Variants in MDFIC observed in about 807,000 individuals in gnomAD.
MDFIC encodes MyoD family inhibitor domain containing, also known as myoD family inhibitor domain-containing protein.
In MDFIC, 17 loss-of-function variants were observed where a neutral mutation model predicts 23.2. The ratio of observed to expected loss-of-function variants is 0.73; its 90% CI spans 0.50 to 1.10. The LOEUF (loss-of-function observed/expected upper bound fraction) is 1.10, where lower values mean the gene tolerates loss of function less well. Ranked by LOEUF, MDFIC falls within the 50% of genes least tolerant of loss-of-function variation. The pLI is 0.00. For missense variants in MDFIC, 356 were observed against 316.6 expected, an observed-to-expected ratio of 1.12 and a Z score of -0.95; for synonymous variants, 120 against 115.2, an observed-to-expected ratio of 1.04 and a Z score of -0.27.
chr7:114,991,853 G>T (rs1171077821), intron 4 of MDFIC, among the ~76,000 whole-genome samples: 1 of 152,176 alleles, frequency 6.6e-6, no homozygotes, highest in Non-Finnish European at 1.5e-5. Flanking sequence ...GGTTCCATAT[G>T]AACTTTAAAG....
chr7:114,969,656 A>T (rs1461694782), intron 3 of MDFIC, among the ~76,000 whole-genome samples: 1 of 152,226 alleles, frequency 6.6e-6, no homozygotes, highest in Non-Finnish European at 1.5e-5. Flanking sequence ...TGGATAGACC[A>T]AGAGCAGTTA....
At chr7:114,994,719 G>C (rs1791284629) in intron 4 of MDFIC, among the ~76,000 whole-genome samples, 1 of 152,208 alleles carries the variant, frequency 6.6e-6, no homozygotes, top group African/African-American at 2.4e-5. Context: ...GGAGAGATCA[G>C]CTGTTAGTCT....
intron 4 of MDFIC, among the ~76,000 whole-genome samples, chr7:115,012,776 G>A (rs746642797): frequency 3.9e-5 from 6 of 152,126 alleles, no homozygotes; most frequent in East Asian, 3.9e-4. Context: ...TCAGGAGTCC[G>A]AGACCAGCTT....
chr7:114,929,063 A>C (rs1250994247), intron 2 of MDFIC, among the ~76,000 whole-genome samples: 3 of 24,382 alleles, frequency 1.2e-4, no homozygotes, highest in African/African-American at 3.5e-4. Context: ...AAATATAGAT[A>C]TAGATCTATA....
chr7:115,000,736 T>A (rs1562826813), intron 4 of MDFIC, among the ~76,000 whole-genome samples: 1 of 152,232 alleles, frequency 6.6e-6, no homozygotes, highest in Non-Finnish European at 1.5e-5. Flanking sequence ...ATGTTTGCAT[T>A]TTAATGTCAT....
chr7:114,926,635 A>G (rs1431740562), intron 2 of MDFIC, among the ~76,000 whole-genome samples: 2 of 152,184 alleles, frequency 1.3e-5, no homozygotes, highest in Non-Finnish European at 2.9e-5. Context: ...TGAGACTATT[A>G]GGCGGACTTT....
rs769484290 is a variant in MDFIC, at chr7:114,979,635, G to A, written c.347G>A (p.Gly116Glu). Residue 116 changes from glycine to glutamate, a missense_variant, in exon 4 of 5, where the codon GGA becomes GAA. Coordinates refer to ENST00000393486, the MANE Select transcript of MDFIC (RefSeq NM_001166345.3). Reference protein sequence around the residue: ...GNGIHHGAKHGSADNRKLSAP... With the variant: ...GNGIHHGAKHESADNRKLSAP... ...GGAATTCACCACGGGGCCAAACACG[G>A]ATCCGCAGATAATCGCAAACTTTCA... The A allele has an allele frequency of 1.2e-6, 2 of 1,613,986 alleles. No homozygotes were observed. The highest frequency in any genetic ancestry group is 1.7e-5 in the Admixed American group (1 of 60,008).
At chr7:114,942,468 C>T (rs1055874642) in intron 3 of MDFIC, 71 bp downstream of exon 3, 2 of 1,187,446 alleles carry the variant, frequency 1.7e-6, no homozygotes, top group Non-Finnish European at 2.3e-6. Flanking sequence ...TCGTTAATTG[C>T]CCCAGATAAT....
At chr7:114,945,720 T>G (rs970191995) in intron 3 of MDFIC, among the ~76,000 whole-genome samples, 16 of 152,170 alleles carry the variant, frequency 1.1e-4, no homozygotes, top group Admixed American at 6.5e-5. Context: ...AAAAGACAAT[T>G]CCAACCACTT....
chr7:114,991,974 G>T (rs1231159450), intron 4 of MDFIC, among the ~76,000 whole-genome samples: 2 of 152,080 alleles, frequency 1.3e-5, no homozygotes, highest in African/African-American at 4.8e-5. Context: ...GATTCTTCCT[G>T]TGCATGAGCA....
At chr7:114,979,803 A>G in intron 4 of MDFIC, 22 bp downstream of exon 4, 1 of 1,605,028 alleles carries the variant, frequency 6.2e-7, no homozygotes, top group South Asian at 1.1e-5. Context: ...ATATATGTAG[A>G]TTTTATTTGA....
intron 3 of MDFIC, among the ~76,000 whole-genome samples, chr7:114,949,180 C>T (rs973646273): frequency 1.5e-4 from 23 of 152,064 alleles, no homozygotes; most frequent in Middle Eastern, 3.4e-3. Context: ...AATCTATATC[C>T]TACTTCTTTT....
rs147390514 is a variant in MDFIC at position 114,951,869 on chromosome 7, C to A, written c.217+9472C>A. On this transcript the variant is annotated intron_variant, in intron 3 of 4. Coordinates refer to ENST00000393486, the MANE Select transcript of MDFIC (RefSeq NM_001166345.3). ...CAGGTTCTGTAGGAGATAGAACCAG[C>A]TACATGATTCAGAAAATGGAGGGCA... is the stretch of plus-strand genomic sequence containing the variant. 1.7e-4 allele frequency among the ~76,000 whole-genome samples: 26 copies of A among 152,214 alleles called. No homozygotes were observed. In the East Asian group the frequency reaches 4.2e-3, roughly 25 times the overall value.
At position 114,922,479 on chromosome 7, in the gene MDFIC, C is replaced by G; in HGVS notation, c.-265C>G. The stretch of plus-strand genomic sequence containing the variant: ...CCGCCACTGCGGCGTCTGGGCTGAG[C>G]CGGAGGGAGGCGGGAGGACGCGCAG... On this transcript the variant is annotated 5_prime_UTR_variant, in exon 1 of 5. Transcript: ENST00000393486. 8.0e-7 allele frequency: 1 copy of G among 1,252,964 alleles called. No individual in the cohort carries two copies. Among genetic ancestry groups the G allele is most frequent in the Non-Finnish European group, 1.0e-6 (1 of 992,684 alleles). 77.6% of individuals were successfully genotyped at this position (1,252,964 alleles called of 1,614,324 possible).
intron 4 of MDFIC, among the ~76,000 whole-genome samples, chr7:114,990,525 T>C (rs1793588734): frequency 6.6e-6 from 1 of 152,164 alleles, no homozygotes; most frequent in African/African-American, 2.4e-5. Flanking sequence ...CAGGCCCCAG[T>C]GTGTGATGTT....
At position 114,977,722 on chromosome 7, in the gene MDFIC, G is replaced by T. The variant is rs868250293; in HGVS notation, c.218-1784G>T. Among the ~76,000 whole-genome samples, 16 of 151,868 alleles carry T rather than the reference G, an allele frequency of 1.1e-4. No individual in the cohort carries two copies. The Middle Eastern group carries it at 0.01, about 98-fold the overall frequency. ...ATTCATTGTCTAAAAAATCATATTT[G>T]TTTGTGCTTATGCTATTAAAACAGT... On this transcript the variant is annotated intron_variant, in intron 3 of 4. Coordinates refer to ENST00000393486, the MANE Select transcript of MDFIC (RefSeq NM_001166345.3).
chr7:115,000,504 C>T (rs979805078), intron 4 of MDFIC, among the ~76,000 whole-genome samples: 11 of 152,164 alleles, frequency 7.2e-5, no homozygotes, highest in Non-Finnish European at 1.3e-4. Flanking sequence ...TCTTGTCCCT[C>T]GGAATCCAAG....
chr7:115,006,148 A>G (rs533313923), intron 4 of MDFIC, among the ~76,000 whole-genome samples: 2 of 152,300 alleles, frequency 1.3e-5, no homozygotes, highest in East Asian at 1.9e-4. Flanking sequence ...CCTTGCCTCC[A>G]GGAGTCCTAC....
chr7:114,923,573 C>A, intron 2 of MDFIC: 2 of 1,531,282 alleles, frequency 1.3e-6, no homozygotes, highest in East Asian at 4.9e-5. Context: ...ATTCAGGTTT[C>A]TGTGACCAGT....
Sources: allele counts gnomAD v4.1 joint callset (sites outside exome capture counted in the v4.1 genomes callset), GRCh38; gene constraint gnomAD v4.1.1; transcripts MANE v1.5; gene names NCBI Gene and HGNC (gene_info 2026-07-23, HGNC 2026-07-21).